EFNA3: variants seen among roughly 807,000 people sequenced by gnomAD.
EFNA3 encodes ephrin-A3.
In EFNA3, 15 loss-of-function variants were observed where a neutral mutation model predicts 25.0. The ratio of observed to expected loss-of-function variants is 0.60; its 90% confidence interval spans 0.40 to 0.92. EFNA3 has a LOEUF of 0.92. Ranked by LOEUF, EFNA3 falls within the 40% of genes least tolerant of loss-of-function variation. EFNA3 has a pLI of 0.00. For missense variants in EFNA3, 298 were observed against 323.8 expected (o/e 0.92, Z 0.61); for synonymous variants, 153 against 145.6 (o/e 1.05, Z -0.37).
chr1:155,085,976 C>A lies in EFNA3; in HGVS notation c.508+34C>A. The A allele has an allele frequency of 6.3e-7, 1 of 1,590,874 alleles. No homozygotes were observed. Among genetic ancestry groups the A allele is most frequent in the South Asian group, 1.1e-5 (1 of 87,850 alleles). On this transcript the variant is annotated intron_variant, in intron 3 of 4. Coordinates refer to ENST00000368408, the MANE Select transcript of EFNA3 (RefSeq NM_004952.5). This position sits in a 1 kb window ranked among gnomAD's most constrained non-coding sequence, Gnocchi z 4.4. Reference sequence around the variant, plus strand: ...AATAGGCTCCGAGCCGCGCCCCCATCCTCAGCTCCCTGCTTTGGGGCTCCC... The same window carrying A: ...AATAGGCTCCGAGCCGCGCCCCCATACTCAGCTCCCTGCTTTGGGGCTCCC...
At chr1:155,082,882 G>A (rs1663370978) in intron 1 of EFNA3, among the ~76,000 whole-genome samples, 1 of 152,166 alleles carries the variant, frequency 6.6e-6, no homozygotes, top group Admixed American at 6.5e-5. Flanking sequence ...CAGACACGTT[G>A]GGTCTCCAAA....
rs1171974765 is a variant in EFNA3, at chr1:155,081,028, C to T, written c.128+1959C>T. Among the ~76,000 whole-genome samples the T allele has an allele frequency of 1.3e-5, 2 of 152,214 alleles. No individual in the cohort carries two copies. Among genetic ancestry groups the T allele is most frequent in the Admixed American group, 6.5e-5 (1 of 15,292 alleles). Reference sequence around the variant, plus strand: ...GCCACAGGCTCCCGCGCCCCCTCCCCCTAGTCACGTGAGCTGGGCTCCTGG... The same window carrying T: ...GCCACAGGCTCCCGCGCCCCCTCCCTCTAGTCACGTGAGCTGGGCTCCTGG... On this transcript the variant is annotated intron_variant, in intron 1 of 4. Transcript: ENST00000368408. This position sits in a 1 kb window ranked among gnomAD's most constrained non-coding sequence, Gnocchi z 5.2.
In EFNA3 at chr1:155,085,221, G is replaced by A. The variant is rs1250131315; in HGVS notation, c.259G>A (p.Val87Met). ...GCCCGGAGGCGGGGCAGAGCAGTAC[G>A]TGCTGTACATGGTGAGCCGCAACGG... is the stretch of plus-strand genomic sequence containing the variant. Reference protein sequence around the residue: ...PGPGGGAEQYVLYMVSRNGYR... With the variant: ...PGPGGGAEQYMLYMVSRNGYR... Residue 87 changes from valine (V) to methionine (M), a missense_variant, in exon 2 of 5, where the codon GTG becomes ATG. Coordinates refer to ENST00000368408, the MANE Select transcript of EFNA3 (RefSeq NM_004952.5). The surrounding 1 kb of genome is among the most constrained non-coding windows in gnomAD (Gnocchi z 4.4). 8 of 1,613,082 alleles carry A rather than the reference G, an allele frequency of 5.0e-6. No individual in the cohort carries two copies. The highest frequency in any genetic ancestry group is 3.3e-5 in the Admixed American group (2 of 59,970).
chr1:155,081,525 ATC>A lies in EFNA3; in HGVS notation c.128+2462_128+2463del, dbSNP rs1339296270. Among the ~76,000 whole-genome samples, 1 of 152,140 alleles carries A rather than the reference ATC, an allele frequency of 6.6e-6. No homozygotes were observed. The highest frequency in any genetic ancestry group is 1.5e-5 in the Non-Finnish European group (1 of 68,026). Reference sequence around the variant, plus strand: ...TATCTCTGAAATGCTTCTGTTGCTGATCTCTCTTTCATTCATGCATTCATTCA... The same window carrying A: ...TATCTCTGAAATGCTTCTGTTGCTGATCTCTTTCATTCATGCATTCATTCA... On this transcript the variant is annotated intron_variant, in intron 1 of 4. Coordinates refer to ENST00000368408, the MANE Select transcript of EFNA3 (RefSeq NM_004952.5). This position sits in a 1 kb window ranked among gnomAD's most constrained non-coding sequence, Gnocchi z 5.2.
In EFNA3 at chr1:155,078,894, G is replaced by C. The variant is rs1471141350; in HGVS notation, c.-48G>C. ...CAGGGAGCTGGGAAGCGGAGAAGCC[G>C]GGAGCGCGGGGCTCAGTCGGGGGGC... On this transcript the variant is annotated 5_prime_UTR_variant, in exon 1 of 5. Transcript: ENST00000368408. 5.2e-6 allele frequency: 7 copies of C among 1,343,362 alleles called. No homozygotes were observed. Among genetic ancestry groups the C allele is most frequent in the African/African-American group, 3.1e-5 (2 of 64,530 alleles). The allele number at this position is 1,343,362 out of a possible 1,614,324, so 83.2% of individuals were successfully genotyped here.
Position 155,079,084 on chromosome 1 carries a change from C to A in EFNA3, c.128+15C>A. 3.8e-6 allele frequency: 5 copies of A among 1,313,252 alleles called. No individual in the cohort carries two copies. The highest frequency in any genetic ancestry group is 4.9e-6 in the Non-Finnish European group (5 of 1,023,416). 81.3% of individuals were successfully genotyped at this position (1,313,252 alleles called of 1,614,324 possible). On this transcript the variant is annotated intron_variant, in intron 1 of 4. Transcript: ENST00000368408. This position sits in a 1 kb window ranked among gnomAD's most constrained non-coding sequence, Gnocchi z 7.7. ...TCCAACCAGCAGTGAGTCGGGGACC[C>A]TGGGAGTCCGCGCGTCCCGTCTCAG...
Position 155,085,388 on chromosome 1 carries a change from C to A in EFNA3, c.426C>A (p.His142Gln), listed in dbSNP as rs1429810116. The A allele has an allele frequency of 1.2e-6, 2 of 1,608,164 alleles. No homozygotes were observed. Among genetic ancestry groups the A allele is most frequent in the Non-Finnish European group, 1.7e-6 (2 of 1,176,794 alleles). ...TGGGCTACGAGTTCCACGCCGGCCACGAGTACTACTACATCTGTGAGTGAC... is the reference window on the plus strand; with the variant it reads ...TGGGCTACGAGTTCCACGCCGGCCAAGAGTACTACTACATCTGTGAGTGAC... ...FSLGYEFHAGHEYYYISTPTH... is the reference protein window; with the variant it reads ...FSLGYEFHAGQEYYYISTPTH... Residue 142 changes from histidine (H) to glutamine (Q), a missense_variant, in exon 2 of 5, where the codon CAC becomes CAA. By Grantham distance (24) the His-to-Gln change is conservative. Transcript: ENST00000368408. This position sits in a 1 kb window ranked among gnomAD's most constrained non-coding sequence, Gnocchi z 4.4.
Position 155,081,052 on chromosome 1 carries a change from G to A in EFNA3, c.128+1983G>A, listed in dbSNP as rs978068554. On this transcript the variant is annotated intron_variant, in intron 1 of 4. Coordinates refer to ENST00000368408, the MANE Select transcript of EFNA3 (RefSeq NM_004952.5). The surrounding 1 kb of genome is among the most constrained non-coding windows in gnomAD (Gnocchi z 5.2). ...CCCTAGTCACGTGAGCTGGGCTCCT[G>A]GCTCCCACCTCCCGTCACGTGCGGA... Among the ~76,000 whole-genome samples the A allele has an allele frequency of 2.6e-5, 4 of 152,208 alleles. No homozygotes were observed. The highest frequency in any genetic ancestry group is 2.1e-4 in the South Asian group (1 of 4,834).
Position 155,081,289 on chromosome 1 carries a change from G to A in EFNA3, c.128+2220G>A, listed in dbSNP as rs550046054. ...CTGGCCCAGAAACTAGGGATGGGGG[G>A]ACTGTATTGGAGCGATGCATTAGAG... On this transcript the variant is annotated intron_variant, in intron 1 of 4. Transcript: ENST00000368408. The surrounding 1 kb of genome is among the most constrained non-coding windows in gnomAD (Gnocchi z 5.2). Among the ~76,000 whole-genome samples the A allele has an allele frequency of 1.3e-5, 2 of 152,236 alleles. No individual in the cohort carries two copies. Among genetic ancestry groups the A allele is most frequent in the African/African-American group, 2.4e-5 (1 of 41,464 alleles).
chr1:155,085,807 A>C lies in EFNA3; in HGVS notation c.443-70A>C, dbSNP rs1317498098. 9 of 1,570,638 alleles carry C rather than the reference A, an allele frequency of 5.7e-6. No homozygotes were observed. In the African/African-American group the frequency reaches 9.5e-5, roughly 17 times the overall value. On this transcript the variant is annotated intron_variant, in intron 2 of 4. Coordinates refer to ENST00000368408, the MANE Select transcript of EFNA3 (RefSeq NM_004952.5). The surrounding 1 kb of genome is among the most constrained non-coding windows in gnomAD (Gnocchi z 4.4). Reference sequence around the variant, plus strand: ...CGGGGACAGTTTGGAGGGGGTGAGAAATAGAGCCGTCGAGGGAGGGCACAG... The same window carrying C: ...CGGGGACAGTTTGGAGGGGGTGAGACATAGAGCCGTCGAGGGAGGGCACAG...
intron 1 of EFNA3, among the ~76,000 whole-genome samples, chr1:155,084,318 T>C (rs1663404366): frequency 6.6e-6 from 1 of 152,114 alleles, no homozygotes; most frequent in Admixed American, 6.5e-5. Context: ...GGGGTCTCTG[T>C]CACGGGACTC....
At position 155,080,240 on chromosome 1, in the gene EFNA3, A is replaced by G. The variant is rs1227635628; in HGVS notation, c.128+1171A>G. Among the ~76,000 whole-genome samples, 1 of 151,488 alleles carries G rather than the reference A, an allele frequency of 6.6e-6. No homozygotes were observed. Among genetic ancestry groups the G allele is most frequent in the Admixed American group, 6.6e-5 (1 of 15,252 alleles). ...AAATGGCCAGACCCCAGGGGAGGGGACCGGGAGGGCCGGGCGGCCGCGACC... is the reference window on the plus strand; with the variant it reads ...AAATGGCCAGACCCCAGGGGAGGGGGCCGGGAGGGCCGGGCGGCCGCGACC... On this transcript the variant is annotated intron_variant, in intron 1 of 4. Coordinates refer to ENST00000368408, the MANE Select transcript of EFNA3 (RefSeq NM_004952.5). The surrounding 1 kb of genome is among the most constrained non-coding windows in gnomAD (Gnocchi z 7.0).
At chr1:155,084,566 C>G (rs1159200240) in intron 1 of EFNA3, among the ~76,000 whole-genome samples, 5 of 152,240 alleles carry the variant, frequency 3.3e-5, no homozygotes, top group Non-Finnish European at 5.9e-5. Context: ...GGACTGGCCT[C>G]CGGGGTGGAC....
rs1366177231 is a variant in EFNA3, at chr1:155,078,887, A to T, written c.-55A>T. ...GCGGCAGCAGGGAGCTGGGAAGCGG[A>T]GAAGCCGGGAGCGCGGGGCTCAGTC... is the stretch of plus-strand genomic sequence containing the variant. On this transcript the variant is annotated 5_prime_UTR_variant, in exon 1 of 5. Transcript: ENST00000368408. 1 of 1,335,116 alleles carries T rather than the reference A, an allele frequency of 7.5e-7. No individual in the cohort carries two copies. Among genetic ancestry groups the T allele is most frequent in the African/African-American group, 1.6e-5 (1 of 64,376 alleles). 82.7% of individuals were successfully genotyped at this position (1,335,116 alleles called of 1,614,324 possible). A position where few individuals can be genotyped will look rare whatever the true frequency, so the allele number is the denominator to read the frequency against.
chr1:155,085,528 A>C lies in EFNA3; in HGVS notation c.442+124A>C, dbSNP rs889822886. 1.6e-5 allele frequency: 20 copies of C among 1,229,018 alleles called. No homozygotes were observed. The highest frequency in any genetic ancestry group is 2.2e-5 in the Non-Finnish European group (20 of 906,390). The allele number at this position is 1,229,018 out of a possible 1,614,324, so 76.1% of individuals were successfully genotyped here. A position where few individuals can be genotyped will look rare whatever the true frequency, so the allele number is the denominator to read the frequency against. Reference sequence around the variant, plus strand: ...GGCGCCAGGTCTCGCGGCTGAGACCAGGGAGGAGGCGTGGGCACGGGACGC... The same window carrying C: ...GGCGCCAGGTCTCGCGGCTGAGACCCGGGAGGAGGCGTGGGCACGGGACGC... On this transcript the variant is annotated intron_variant, in intron 2 of 4. Transcript: ENST00000368408. The surrounding 1 kb of genome is among the most constrained non-coding windows in gnomAD (Gnocchi z 4.4).
Position 155,085,113 on chromosome 1 carries a change from G to A in EFNA3, c.151G>A (p.Val51Met), listed in dbSNP as rs769236763. The change falls in exon 2 of 5, where the codon GTG becomes ATG. Residue 51 changes from valine (V) to methionine (M), a missense_variant. Physicochemically the swap from Val to Met is conservative, Grantham distance 21 (BLOSUM62 1). Transcript: ENST00000368408. The surrounding 1 kb of genome is among the most constrained non-coding windows in gnomAD (Gnocchi z 4.4). ...CAGCCTGCGGCGAGAGGGCTACACC[G>A]TGCAGGTGAACGTGAACGACTATCT... Reference protein sequence around the residue: ...NQHLRREGYTVQVNVNDYLDI... With the variant: ...NQHLRREGYTMQVNVNDYLDI... 4.3e-6 allele frequency: 7 copies of A among 1,613,648 alleles called. No homozygotes were observed. The highest frequency in any genetic ancestry group is 1.1e-5 in the South Asian group (1 of 91,090).
At chr1:155,083,442 C>T (rs1193066982) in intron 1 of EFNA3, among the ~76,000 whole-genome samples, 1 of 152,192 alleles carries the variant, frequency 6.6e-6, no homozygotes, top group African/African-American at 2.4e-5. Context: ...TGCCGCAGGC[C>T]GAGGCTCCTG....
At chr1:155,084,492 A>G (rs1179066363) in intron 1 of EFNA3, among the ~76,000 whole-genome samples, 3 of 152,252 alleles carry the variant, frequency 2.0e-5, no homozygotes, top group Admixed American at 2.0e-4. Flanking sequence ...TGCGTGTGCC[A>G]TAGAACTTAT....
At chr1:155,084,300 C>T (rs1663402120) in intron 1 of EFNA3, among the ~76,000 whole-genome samples, 1 of 152,184 alleles carries the variant, frequency 6.6e-6, no homozygotes, top group Non-Finnish European at 1.5e-5. Flanking sequence ...TGTCCTTGGC[C>T]TCAGGGTGGG....
Sources: gnomAD v4.1 joint callset for allele counts (sites outside exome capture counted in the v4.1 genomes callset) on GRCh38, gnomAD v4.1.1 for gene constraint, Gnocchi (gnomAD v3.1) non-coding constraint, MANE v1.5 for transcripts, NCBI Gene and HGNC (gene_info 2026-07-23, HGNC 2026-07-21) for gene names.